PTPRT: variants seen among roughly 807,000 people sequenced by gnomAD.
PTPRT encodes the protein protein tyrosine phosphatase receptor type T.
In PTPRT, 56 loss-of-function variants were observed where a neutral mutation model predicts 176.8. That is an observed-to-expected ratio of 0.32 (90% CI 0.26 to 0.40). The LOEUF (loss-of-function observed/expected upper bound fraction) is 0.40, where lower values mean the gene tolerates loss of function less well. PTPRT is among the 10% of genes least tolerant of loss of function. The pLI, the probability that PTPRT is intolerant of heterozygous loss-of-function variation, is 1.00. For missense variants in PTPRT, 1,540 were observed against 1,908.2 expected (o/e 0.81, Z 3.60); for synonymous variants, 783 against 739.0 (o/e 1.06, Z -0.96).
chr20:42,811,347 A>C (rs570311689), intron 2 of PTPRT, among the ~76,000 whole-genome samples: 2 of 152,314 alleles, frequency 1.3e-5, no homozygotes, highest in Admixed American at 1.3e-4. Flanking sequence ...GGTGGAAATA[A>C]ATACTATGAA....
chr20:42,201,556 C>T (rs1187731049), intron 15 of PTPRT, among the ~76,000 whole-genome samples: 1 of 151,806 alleles, frequency 6.6e-6, no homozygotes, highest in African/African-American at 2.4e-5. Context: ...TATACTAGTG[C>T]CTCAGTAGGA....
chr20:42,418,388 C>T (rs2059085825), intron 9 of PTPRT, among the ~76,000 whole-genome samples: 1 of 152,148 alleles, frequency 6.6e-6, no homozygotes, highest in Non-Finnish European at 1.5e-5. Context: ...ATGAGTCTAG[C>T]TTAGACTCTG....
intron 1 of PTPRT, among the ~76,000 whole-genome samples, chr20:42,966,994 G>C (rs1982333261): frequency 6.6e-6 from 1 of 152,170 alleles, no homozygotes; most frequent in South Asian, 2.1e-4. Flanking sequence ...TTTAAGAGAG[G>C]CATTTGGTCT....
At chr20:42,036,545 T>C in the PTPRT span, among the ~76,000 whole-genome samples, 265 of 152,308 alleles carry the variant, frequency 1.7e-3, 2 homozygotes, top group African/African-American at 5.9e-3. Context: ...TTCTACTTTA[T>C]TGCACCTCCA....
chr20:42,736,468 C>A (rs2076541602), intron 6 of PTPRT, among the ~76,000 whole-genome samples: 1 of 152,234 alleles, frequency 6.6e-6, no homozygotes, highest in Admixed American at 6.5e-5. Context: ...CCACTGAGGG[C>A]CCACAATGTG....
Position 42,074,945 on chromosome 20 carries a change from T to TCAGATC in PTPRT, c.*5928_*5933dup. ...GATATCTCTGCTGTGCTTCGGAGGA[T>TCAGATC]CAGATCCATGATCCTGAAAAATGTG... On this transcript the variant is annotated 3_prime_UTR_variant, in exon 31 of 31. Coordinates refer to ENST00000373187, the MANE Select transcript of PTPRT (RefSeq NM_007050.6). 1 of 397,416 alleles carries TCAGATC rather than the reference T, an allele frequency of 2.5e-6. No homozygotes were observed. The highest frequency in any genetic ancestry group is 2.1e-5 in the African/African-American group (1 of 48,718). 24.6% of individuals were successfully genotyped at this position (397,416 alleles called of 1,614,324 possible).
At chr20:42,335,707 AG>A (rs1295143025) in intron 11 of PTPRT, among the ~76,000 whole-genome samples, 1 of 152,178 alleles carries the variant, frequency 6.6e-6, no homozygotes, top group South Asian at 2.1e-4. Flanking sequence ...AGAAAAGAAA[AG>A]GGGAAAAAGA....
At chr20:42,635,810 A>C (rs2074584576) in intron 7 of PTPRT, among the ~76,000 whole-genome samples, 1 of 152,186 alleles carries the variant, frequency 6.6e-6, no homozygotes, top group Non-Finnish European at 1.5e-5. Flanking sequence ...AACGAGATCC[A>C]GATGGAGTTC....
intron 6 of PTPRT, among the ~76,000 whole-genome samples, chr20:42,702,531 C>T (rs977956905): frequency 1.3e-5 from 2 of 152,174 alleles, no homozygotes; most frequent in African/African-American, 4.8e-5. Flanking sequence ...CCCATGGATC[C>T]TTTTCCCCCT....
intron 1 of PTPRT, among the ~76,000 whole-genome samples, chr20:43,074,048 C>G (rs957424217): frequency 3.3e-5 from 5 of 152,110 alleles, no homozygotes; most frequent in African/African-American, 1.2e-4. Context: ...GCCACCATGC[C>G]TGGCCCACCT....
chr20:43,172,553 C>A (rs1331816067), intron 1 of PTPRT, among the ~76,000 whole-genome samples: 9 of 152,156 alleles, frequency 5.9e-5, no homozygotes, highest in Non-Finnish European at 1.2e-4. Flanking sequence ...CAATTGGTCA[C>A]CCCAGCCACG....
intron 1 of PTPRT, among the ~76,000 whole-genome samples, chr20:43,111,765 T>C (rs1467452410): frequency 6.6e-6 from 1 of 152,152 alleles, no homozygotes; most frequent in Non-Finnish European, 1.5e-5. Context: ...GAAACTTGTA[T>C]AATGGGTGAC....
At chr20:42,802,466 A>G (rs1046706245) in intron 2 of PTPRT, among the ~76,000 whole-genome samples, 3 of 152,230 alleles carry the variant, frequency 2.0e-5, no homozygotes, top group African/African-American at 7.2e-5. Context: ...CTAATTACCA[A>G]GAATATAATT....
chr20:42,170,135 A>T (rs901036908), intron 16 of PTPRT, among the ~76,000 whole-genome samples: 1 of 152,096 alleles, frequency 6.6e-6, no homozygotes, highest in African/African-American at 2.4e-5. Flanking sequence ...CCATGAGGGG[A>T]GCTGGGCTGA....
chr20:42,502,264 T>A (rs1169119944), intron 7 of PTPRT, among the ~76,000 whole-genome samples: 1 of 151,996 alleles, frequency 6.6e-6, no homozygotes, highest in Admixed American at 6.6e-5. Flanking sequence ...AAAATTCACT[T>A]CTGTCTATGA....
chr20:42,097,705 G>A (rs6016683), intron 27 of PTPRT, among the ~76,000 whole-genome samples: 3,435 of 152,314 alleles, frequency 0.023, 131 homozygotes, highest in African/African-American at 0.077. Context: ...TCTCATATGG[G>A]AATTCAATGT....
chr20:42,649,259 T>C (rs1456313598), intron 7 of PTPRT, among the ~76,000 whole-genome samples: 2 of 152,064 alleles, frequency 1.3e-5, no homozygotes, highest in Non-Finnish European at 2.9e-5. Context: ...GGAACTCCTT[T>C]TTATAAAACC....
At chr20:43,160,336 G>A (rs1465428297) in intron 1 of PTPRT, among the ~76,000 whole-genome samples, 2 of 152,226 alleles carry the variant, frequency 1.3e-5, no homozygotes, top group African/African-American at 2.4e-5. Context: ...AATAAGTCCA[G>A]TTGATTAATA....
chr20:42,383,812 A>G (rs1445438330), intron 9 of PTPRT, among the ~76,000 whole-genome samples: 1 of 152,172 alleles, frequency 6.6e-6, no homozygotes, highest in Non-Finnish European at 1.5e-5. Flanking sequence ...CCTCATCTCC[A>G]TCAGGGAGAT....
Sources: gnomAD v4.1 joint callset for allele counts (sites outside exome capture counted in the v4.1 genomes callset) on GRCh38, gnomAD v4.1.1 for gene constraint, MANE v1.5 for transcripts, NCBI Gene and HGNC (gene_info 2026-07-23, HGNC 2026-07-21) for gene names.